Variants in AACS observed in about 807,000 individuals in gnomAD.
AACS encodes acetoacetate-CoA ligase.
A neutral mutation model predicts 83.1 loss-of-function variants in AACS; 69 were observed. That is an observed-to-expected ratio of 0.83 (90% confidence interval 0.68 to 1.01). The LOEUF is 1.01. AACS is among the 50% of genes least tolerant of loss of function. AACS has a pLI of 0.00. For missense variants in AACS, 866 were observed against 882.2 expected (o/e 0.98, Z 0.23); for synonymous variants, 333 against 343.4 (o/e 0.97, Z 0.33).
intron 4 of AACS, 34 bp downstream of exon 4, chr12:125,086,477 G>C: frequency 6.3e-7 from 1 of 1,599,306 alleles, no homozygotes; most frequent in Non-Finnish European, 8.6e-7. Context: ...TGGTTTGAGG[G>C]AGGAGACCAA....
At chr12:125,107,737 G>C (rs980060543) in intron 8 of AACS, among the ~76,000 whole-genome samples, 1 of 152,222 alleles carries the variant, frequency 6.6e-6, no homozygotes, top group African/African-American at 2.4e-5. Flanking sequence ...GAGGTGGGCA[G>C]ATTGCTTTGA....
intron 5 of AACS, among the ~76,000 whole-genome samples, chr12:125,096,851 G>A (rs995772825): frequency 1.3e-5 from 2 of 152,182 alleles, no homozygotes; most frequent in African/African-American, 4.8e-5. Flanking sequence ...CTGGCTGGGG[G>A]TGAGCTTCTG....
Position 125,071,097 on chromosome 12 carries a change from C to T in AACS, c.134-2779C>T, listed in dbSNP as rs114580057. Reference sequence around the variant, plus strand: ...GGGGCTGCAGTGGGAACGCACCCGTCCCCAAGAGCTCACTCACATGGCGGT... The same window carrying T: ...GGGGCTGCAGTGGGAACGCACCCGTTCCCAAGAGCTCACTCACATGGCGGT... On this transcript the variant is annotated intron_variant, in intron 1 of 17. Transcript: ENST00000316519. Among the ~76,000 whole-genome samples, 1,364 of 152,318 alleles carry T rather than the reference C, an allele frequency of 9.0e-3. 19 individuals are homozygous for T. The highest frequency in any genetic ancestry group is 0.032 in the African/African-American group (1,312 of 41,552).
Position 125,103,026 on chromosome 12 carries a change from G to A in AACS, c.712G>A (p.Val238Met). ...KGLPDLKKVV[V>M]IPYVSSRENI... ...CCTACCAGACTTGAAGAAAGTGGTG[G>A]TGATTCCTTATGTGTCCTCCAGAGA... The change falls in exon 7 of 18, where the codon GTG becomes ATG. Residue 238 changes from valine (V) to methionine (M), a missense_variant. Transcript: ENST00000316519. 1 of 1,614,052 alleles carries A rather than the reference G, an allele frequency of 6.2e-7. No individual in the cohort carries two copies. The highest frequency in any genetic ancestry group is 8.5e-7 in the Non-Finnish European group (1 of 1,180,006).
Position 125,094,797 on chromosome 12 carries a change from C to T in AACS, c.570+3274C>T, listed in dbSNP as rs1261933900. 1.3e-5 allele frequency among the ~76,000 whole-genome samples: 2 copies of T among 152,308 alleles called. No homozygotes were observed. Among genetic ancestry groups the T allele is most frequent in the South Asian group, 2.1e-4 (1 of 4,818 alleles). On this transcript the variant is annotated intron_variant, in intron 5 of 17. Transcript: ENST00000316519. This position sits in a 1 kb window ranked among gnomAD's most constrained non-coding sequence, Gnocchi z 4.1. Reference sequence around the variant, plus strand: ...TTCTAAGGGTTCCCAACCTTTCCAGCCCCAGCAAGATCTCTAGGTCCTGAG... The same window carrying T: ...TTCTAAGGGTTCCCAACCTTTCCAGTCCCAGCAAGATCTCTAGGTCCTGAG...
intron 17 of AACS, chr12:125,139,614 T>G (rs1395086606): frequency 1.3e-5 from 2 of 152,346 alleles, no homozygotes; most frequent in African/African-American, 2.4e-5. Context: ...TAGGTGCGCA[T>G]GCTGTGCAAA....
chr12:125,070,786 C>T (rs9943766), intron 1 of AACS, among the ~76,000 whole-genome samples: 4,206 of 152,258 alleles, frequency 0.028, 188 homozygotes, highest in African/African-American at 0.095. Flanking sequence ...AACCAAGGCA[C>T]GAAGTCTCAG....
intron 3 of AACS, among the ~76,000 whole-genome samples, chr12:125,084,575 T>A (rs1006226734): frequency 1.6e-4 from 22 of 133,662 alleles, no homozygotes; most frequent in Non-Finnish European, 2.7e-4. Context: ...GGCTAGTTTT[T>A]AAATTTTTTT....
intron 8 of AACS, among the ~76,000 whole-genome samples, chr12:125,108,126 G>T (rs2136101981): frequency 1.3e-5 from 2 of 152,278 alleles, no homozygotes; most frequent in Admixed American, 1.3e-4. Flanking sequence ...GAAAGCCACT[G>T]GTTAGGTTAT....
intron 17 of AACS, among the ~76,000 whole-genome samples, chr12:125,137,462 G>A (rs983574728): frequency 6.6e-6 from 1 of 152,246 alleles, no homozygotes. Context: ...GATTACAGGC[G>A]TAAGCCACTC....
chr12:125,084,766 A>G (rs1229964895), intron 3 of AACS, among the ~76,000 whole-genome samples: 2 of 152,010 alleles, frequency 1.3e-5, no homozygotes, highest in African/African-American at 2.4e-5. Context: ...TTTTTTTTGT[A>G]GAGACGAGGT....
chr12:125,080,884 G>A (rs1315913129), intron 3 of AACS, among the ~76,000 whole-genome samples: 1 of 151,866 alleles, frequency 6.6e-6, no homozygotes, highest in Non-Finnish European at 1.5e-5. Context: ...GTAGAGATGG[G>A]GTTTCACCGT....
intron 8 of AACS, among the ~76,000 whole-genome samples, chr12:125,111,629 TCC>T (rs1956954491): frequency 6.6e-6 from 1 of 152,104 alleles, no homozygotes; most frequent in Non-Finnish European, 1.5e-5. Context: ...TAGGCCAGAG[TCC>T]TAGGGCTGCT....
At chr12:125,092,283 G>T (rs1254201285) in intron 5 of AACS, among the ~76,000 whole-genome samples, 1 of 152,258 alleles carries the variant, frequency 6.6e-6, no homozygotes, top group Non-Finnish European at 1.5e-5. Context: ...GGTGCCAGCT[G>T]CCTCTGTTCT....
intron 17 of AACS, among the ~76,000 whole-genome samples, chr12:125,137,962 T>C (rs575422002): frequency 6.6e-6 from 1 of 152,354 alleles, no homozygotes; most frequent in East Asian, 1.9e-4. Flanking sequence ...CTGGAGAATG[T>C]TGAAATATCT....
chr12:125,136,546 C>G, intron 16 of AACS, 116 bp from the exon 17 acceptor site: 2 of 762,256 alleles, frequency 2.6e-6, no homozygotes, highest in African/African-American at 1.7e-5. Context: ...ACACAGGCAC[C>G]GCTGGAAGGC....
rs1371199514 is a variant in AACS at position 125,129,909 on chromosome 12, C to G, written c.1549+449C>G. Reference sequence around the variant, plus strand: ...TCATGGAGATGCTGGAGGAAGAGCGCTTTTGCGGTGGAAGCATTTACAACC... The same window carrying G: ...TCATGGAGATGCTGGAGGAAGAGCGGTTTTGCGGTGGAAGCATTTACAACC... On this transcript the variant is annotated intron_variant, in intron 14 of 17. Transcript: ENST00000316519. The surrounding 1 kb of genome is among the most constrained non-coding windows in gnomAD (Gnocchi z 4.3). 2.0e-5 allele frequency among the ~76,000 whole-genome samples: 3 copies of G among 151,946 alleles called. No homozygotes were observed. The highest frequency in any genetic ancestry group is 2.9e-5 in the Non-Finnish European group (2 of 67,954).
intron 8 of AACS, among the ~76,000 whole-genome samples, chr12:125,107,693 G>T (rs1956865059): frequency 6.6e-6 from 1 of 152,206 alleles, no homozygotes; most frequent in Non-Finnish European, 1.5e-5. Context: ...AGACGCAATG[G>T]CCCACACCTA....
At chr12:125,118,538 G>T in intron 9 of AACS, 103 bp from the exon 10 acceptor site, 1 of 1,497,370 alleles carries the variant, frequency 6.7e-7, no homozygotes, top group East Asian at 2.3e-5. Context: ...CCAACCTGTG[G>T]CTCCATCTTA....
Sources: allele counts gnomAD v4.1 joint callset (sites outside exome capture counted in the v4.1 genomes callset), GRCh38; gene constraint gnomAD v4.1.1; non-coding constraint Gnocchi (gnomAD v3.1); transcripts MANE v1.5; gene names NCBI Gene and HGNC (gene_info 2026-07-23, HGNC 2026-07-21).